IL1RAPL1: variants seen among roughly 807,000 people sequenced by gnomAD.
The protein encoded by IL1RAPL1 is interleukin-1 receptor accessory protein-like 1.
IL1RAPL1 carries 3 observed loss-of-function variants against 48.4 expected under a neutral mutation model. That is an observed-to-expected ratio of 0.06 (90% CI 0.03 to 0.16). The LOEUF is 0.16. Ranked by LOEUF, IL1RAPL1 falls within the 10% of genes least tolerant of loss-of-function variation. IL1RAPL1 has a pLI of 1.00. For synonymous variants in IL1RAPL1, 185 were observed against 187.7 expected, an observed-to-expected ratio of 0.99 and a Z score of 0.12; for missense variants, 349 against 530.6, an observed-to-expected ratio of 0.66 and a Z score of 3.36.
chrX:29,860,720 T>C (rs1190467401), intron 6 of IL1RAPL1, among the ~76,000 whole-genome samples: 1 of 112,279 alleles, frequency 8.9e-6, no homozygotes, highest in Non-Finnish European at 1.9e-5. Flanking sequence ...TAGTATTCCC[T>C]GGTGTATATG....
intron 1 of IL1RAPL1, among the ~76,000 whole-genome samples, chrX:28,719,627 A>T (rs1159171430): frequency 9.0e-6 from 1 of 111,217 alleles, no homozygotes; most frequent in Admixed American, 9.7e-5. Context: ...CAGCCCATTT[A>T]TACTGTTCAT....
chrX:28,672,218 A>G (rs1934953604), intron 1 of IL1RAPL1, among the ~76,000 whole-genome samples: 1 of 111,032 alleles, frequency 9.0e-6, no homozygotes, highest in Non-Finnish European at 1.9e-5. Context: ...AAGGAAGGAA[A>G]GAATGTTAAA....
chrX:28,735,085 A>G (rs940637001), intron 1 of IL1RAPL1, among the ~76,000 whole-genome samples: 4 of 112,112 alleles, frequency 3.6e-5, no homozygotes, highest in East Asian at 5.6e-4. Context: ...TGTACCACCT[A>G]TGAAGTTTTT....
chrX:29,080,266 G>GT (rs1927771531), intron 2 of IL1RAPL1, among the ~76,000 whole-genome samples: 1 of 109,621 alleles, frequency 9.1e-6, no homozygotes, highest in African/African-American at 3.3e-5. Context: ...GTGATCCCAA[G>GT]TACATGCGAG....
intron 5 of IL1RAPL1, among the ~76,000 whole-genome samples, chrX:29,623,572 G>T (rs1219220817): frequency 8.9e-6 from 1 of 111,993 alleles, no homozygotes; most frequent in Non-Finnish European, 1.9e-5. Context: ...GATGTTCTTG[G>T]AAATACCGTT....
chrX:29,352,287 C>T (rs1225147697), intron 3 of IL1RAPL1, among the ~76,000 whole-genome samples: 2 of 110,985 alleles, frequency 1.8e-5, no homozygotes, highest in Non-Finnish European at 3.8e-5. Flanking sequence ...TTTCAATGAG[C>T]TGATCAGTTT....
intron 6 of IL1RAPL1, among the ~76,000 whole-genome samples, chrX:29,737,767 G>C (rs911445511): frequency 8.9e-6 from 1 of 112,453 alleles, no homozygotes; most frequent in Non-Finnish European, 1.9e-5. Context: ...CTTGGCTATA[G>C]CTAGCACACA....
intron 2 of IL1RAPL1, among the ~76,000 whole-genome samples, chrX:28,825,813 A>C (rs1028969074): frequency 9.0e-6 from 1 of 111,529 alleles, no homozygotes; most frequent in African/African-American, 3.2e-5. Context: ...AGTAGCAGTG[A>C]CTCAATAAGG....
At chrX:28,813,345 G>T (rs183464429) in intron 2 of IL1RAPL1, among the ~76,000 whole-genome samples, 1 of 111,147 alleles carries the variant, frequency 9.0e-6, no homozygotes, top group Non-Finnish European at 1.9e-5. Context: ...GATTTTCCAG[G>T]TATCTTTCTG....
intron 5 of IL1RAPL1, among the ~76,000 whole-genome samples, chrX:29,570,502 G>A (rs1602303046): frequency 8.9e-6 from 1 of 112,332 alleles, no homozygotes; most frequent in Non-Finnish European, 1.9e-5. Context: ...CTACTTAAAA[G>A]TATGGGAGTT....
intron 5 of IL1RAPL1, among the ~76,000 whole-genome samples, chrX:29,463,308 T>G (rs4829189): frequency 0.47 from 51,413 of 109,668 alleles, 8,886 homozygotes; most frequent in East Asian, 0.75. Flanking sequence ...TTCATGTGAA[T>G]TGCTGGTGAA....
chrX:29,936,831 GTTTCT>G (rs1176300711), intron 8 of IL1RAPL1, among the ~76,000 whole-genome samples: 1 of 111,485 alleles, frequency 9.0e-6, no homozygotes, highest in Non-Finnish European at 1.9e-5. Context: ...TTAATTAGCT[GTTTCT>G]TTTAAGGGGT....
chrX:28,621,279 A>G (rs1180136685), intron 1 of IL1RAPL1, among the ~76,000 whole-genome samples: 1 of 112,473 alleles, frequency 8.9e-6, no homozygotes, highest in Non-Finnish European at 1.9e-5. Context: ...CACAGGCTAC[A>G]TAGATAATTG....
At chrX:28,668,574 CT>C (rs1451677520) in intron 1 of IL1RAPL1, among the ~76,000 whole-genome samples, 7 of 113,392 alleles carry the variant, frequency 6.2e-5, no homozygotes, top group Non-Finnish European at 1.3e-4. Flanking sequence ...TGTTTTCTTA[CT>C]TAGTTTTGTG....
rs773553050 is a variant in IL1RAPL1 at position 29,122,773 on chromosome X, G to C, written c.83-160165G>C. Reference sequence around the variant, plus strand: ...TTAGTGTTTGATATTACTCTGACTTGATGCTGTGGAATTATATTTCTGAAA... The same window carrying C: ...TTAGTGTTTGATATTACTCTGACTTCATGCTGTGGAATTATATTTCTGAAA... On this transcript the variant is annotated intron_variant, in intron 2 of 10. Coordinates refer to ENST00000378993, the MANE Select transcript of IL1RAPL1 (RefSeq NM_014271.4). Among the ~76,000 whole-genome samples the C allele has an allele frequency of 2.7e-5, 3 of 110,509 alleles. No individual in the cohort carries two copies. The Admixed American group carries it at 2.9e-4, about 11-fold the overall frequency.
chrX:29,667,557 C>T (rs1024560073), intron 5 of IL1RAPL1, among the ~76,000 whole-genome samples: 2 of 111,706 alleles, frequency 1.8e-5, no homozygotes, highest in African/African-American at 6.5e-5. Context: ...CTAGGCAATT[C>T]GATGAGAGAG....
At chrX:29,314,668 C>T (rs183157899) in intron 3 of IL1RAPL1, among the ~76,000 whole-genome samples, 22 of 112,337 alleles carry the variant, frequency 2.0e-4, no homozygotes, top group African/African-American at 6.8e-4. Flanking sequence ...ATGGGGATAC[C>T]AGTGGCACCT....
chrX:29,935,449 G>C (rs769770124), intron 8 of IL1RAPL1, among the ~76,000 whole-genome samples: 2 of 111,194 alleles, frequency 1.8e-5, no homozygotes, highest in African/African-American at 3.3e-5. Flanking sequence ...TTCCCTTCTT[G>C]TTGGTTTATT....
At chrX:29,802,567 C>G (rs906695208) in intron 6 of IL1RAPL1, among the ~76,000 whole-genome samples, 2 of 97,961 alleles carry the variant, frequency 2.0e-5, no homozygotes, top group African/African-American at 7.2e-5. Context: ...TATCAAATTG[C>G]TGTGAAATTT....
Sources: gnomAD v4.1 joint callset for allele counts (sites outside exome capture counted in the v4.1 genomes callset) on GRCh38, gnomAD v4.1.1 for gene constraint, MANE v1.5 for transcripts, NCBI Gene and HGNC (gene_info 2026-07-23, HGNC 2026-07-21) for gene names.